FAM47E: variants seen among roughly 807,000 people sequenced by gnomAD.
The protein encoded by FAM47E is protein FAM47E.
In FAM47E, 32 loss-of-function variants were observed where a neutral mutation model predicts 41.6. That is an observed-to-expected ratio of 0.77 (90% CI 0.58 to 1.03). FAM47E has a LOEUF of 1.03. FAM47E is among the 50% of genes least tolerant of loss of function. The probability of loss-of-function intolerance (pLI) is 0.00; values close to 1 mark genes in which losing one functional copy is unlikely to be tolerated. For synonymous variants in FAM47E, 184 were observed against 188.7 expected, an observed-to-expected ratio of 0.98 and a Z score of 0.20; for missense variants, 424 against 485.4, an observed-to-expected ratio of 0.87 and a Z score of 1.19.
At position 76,271,747 on chromosome 4, in the gene FAM47E, G is replaced by T; in HGVS notation, c.849G>T (p.Glu283Asp). Residue 283 changes from glutamate (E) to aspartate (D), a missense_variant, in exon 5 of 8, where the codon GAG (glutamate) becomes GAT (aspartate). Coordinates refer to ENST00000424749, the MANE Select transcript of FAM47E (RefSeq NM_001136570.3). Reference sequence around the variant, plus strand: ...AGTTCTTCCAGAAACTAGGCTATGAGAGGAAACTCCAGAAACCACAGGTAA... The same window carrying T: ...AGTTCTTCCAGAAACTAGGCTATGATAGGAAACTCCAGAAACCACAGGTAA... ...ETEFFQKLGY[E>D]RKLQKPQNPY... 1 of 1,551,592 alleles carries T rather than the reference G, an allele frequency of 6.4e-7. No individual in the cohort carries two copies. Among genetic ancestry groups the T allele is most frequent in the Non-Finnish European group, 8.7e-7 (1 of 1,146,932 alleles).
chr4:76,221,656 AG>A (rs1384683504), intron 2 of FAM47E, among the ~76,000 whole-genome samples: 4 of 152,228 alleles, frequency 2.6e-5, no homozygotes, highest in Non-Finnish European at 4.4e-5. Context: ...CTGCAAAAAC[AG>A]AGAAAAAATA....
intron 5 of FAM47E, among the ~76,000 whole-genome samples, chr4:76,274,151 G>A (rs1044417058): frequency 1.3e-5 from 2 of 152,148 alleles, no homozygotes; most frequent in Admixed American, 6.5e-5. Flanking sequence ...ATCTTTGATG[G>A]ATGCTAGGCA....
intron 2 of FAM47E, among the ~76,000 whole-genome samples, chr4:76,256,890 T>G (rs1435954971): frequency 3.3e-5 from 5 of 152,316 alleles, no homozygotes; most frequent in Admixed American, 1.3e-4. Flanking sequence ...TAGTCTTATT[T>G]TTGTCACTTT....
At chr4:76,278,027 A>G (rs1410920013) in intron 5 of FAM47E, 42 bp from the exon 6 acceptor site, 1 of 1,419,482 alleles carries the variant, frequency 7.0e-7, no homozygotes. Context: ...TGACAAACAA[A>G]CAAAAAATCA....
At chr4:76,268,831 T>C (rs1876538) in intron 4 of FAM47E, 63 bp downstream of exon 4, 614,857 of 1,534,082 alleles carry the variant, frequency 0.4, 125,262 homozygotes, top group Admixed American at 0.46. Context: ...AGTGGTAATA[T>C]TTAAACCTAC....
At chr4:76,282,229 A>G (rs1282411018) in intron 7 of FAM47E, 1 of 152,188 alleles carries the variant, frequency 6.6e-6, no homozygotes, top group African/African-American at 2.4e-5. Context: ...GTTACAAACA[A>G]TCCATGGAAA....
intron 5 of FAM47E, 63 bp downstream of exon 5, chr4:76,271,831 G>T: frequency 1.3e-6 from 2 of 1,497,732 alleles, no homozygotes; most frequent in Non-Finnish European, 1.8e-6. Context: ...AAGTCTTAAA[G>T]TTCTTGAATT....
intron 2 of FAM47E, among the ~76,000 whole-genome samples, chr4:76,261,865 AAAAT>A (rs897859190): frequency 2.6e-5 from 4 of 152,198 alleles, no homozygotes; most frequent in African/African-American, 7.2e-5. Flanking sequence ...TTTAAGGAAA[AAAAT>A]AAACATGAAA....
chr4:76,215,256 C>G (rs1733182839), intron 1 of FAM47E, among the ~76,000 whole-genome samples: 1 of 152,198 alleles, frequency 6.6e-6, no homozygotes, highest in South Asian at 2.1e-4. Flanking sequence ...GTGTATTATC[C>G]TCATTTTACA....
chr4:76,217,798 G>A (rs1178566161), intron 2 of FAM47E: 1 of 406,398 alleles, frequency 2.5e-6, no homozygotes. Context: ...CTTTATCTGA[G>A]AAGAACAAGT....
chr4:76,237,536 C>A (rs896387536), intron 2 of FAM47E, among the ~76,000 whole-genome samples: 16 of 152,152 alleles, frequency 1.1e-4, no homozygotes, highest in African/African-American at 3.9e-4. Context: ...TACAGTCATT[C>A]TGAGGACAAA....
rs117605895 is a variant in FAM47E, at chr4:76,230,865, C to T, written c.81+13177C>T. ...ACCTCATTTATGCCATGGACACTAA[C>T]GTGGCCTTTATCCATCAAACAGGAA... On this transcript the variant is annotated intron_variant, in intron 2 of 7. Coordinates refer to the FAM47E transcript ENST00000510197. Among the ~76,000 whole-genome samples, 53 of 152,262 alleles carry T rather than the reference C, an allele frequency of 3.5e-4. 1 individual carries two copies. In the East Asian group the frequency reaches 9.5e-3, roughly 27 times the overall value.
intron 2 of FAM47E, among the ~76,000 whole-genome samples, chr4:76,260,935 T>A (rs1027089826): frequency 7.9e-5 from 12 of 151,944 alleles, no homozygotes; most frequent in African/African-American, 2.7e-4. Context: ...GCTGCAGTGA[T>A]TGCACCATTG....
intron 2 of FAM47E, among the ~76,000 whole-genome samples, chr4:76,231,984 C>T (rs4859640): frequency 0.59 from 89,125 of 151,968 alleles, 26,998 homozygotes; most frequent in East Asian, 0.99. Context: ...AATTGTGTCC[C>T]GTTGCAAGAG....
At chr4:76,223,357 T>C (rs1733341882) in intron 2 of FAM47E, among the ~76,000 whole-genome samples, 2 of 152,174 alleles carry the variant, frequency 1.3e-5, no homozygotes, top group South Asian at 2.1e-4. Context: ...TGGGGAGTGG[T>C]ACAGTAGCCC....
rs2110033111 is a variant in FAM47E at position 76,283,364 on chromosome 4, C to T, written c.1105-17C>T. 2 of 1,488,534 alleles carry T rather than the reference C, an allele frequency of 1.3e-6. No homozygotes were observed. Among genetic ancestry groups the T allele is most frequent in the Middle Eastern group, 1.7e-4 (1 of 5,844 alleles). 92.2% of individuals were successfully genotyped at this position (1,488,534 alleles called of 1,614,324 possible). On this transcript the variant is annotated splice_polypyrimidine_tract_variant and intron_variant, in intron 7 of 7. Transcript: ENST00000424749. Reference sequence around the variant, plus strand: ...TTTGTTTGCCAATCTAATGAAGGTTCTCTCATTTTTTTTTAGTTCCTTGAG... The same window carrying T: ...TTTGTTTGCCAATCTAATGAAGGTTTTCTCATTTTTTTTTAGTTCCTTGAG...
chr4:76,252,722 C>T (rs902458189), intron 1 of FAM47E, among the ~76,000 whole-genome samples: 5 of 152,120 alleles, frequency 3.3e-5, no homozygotes, highest in Non-Finnish European at 5.9e-5. Flanking sequence ...CTTCTCCCCC[C>T]CATTTAAAAA....
chr4:76,274,008 CATAGTT>C (rs1487196911), intron 5 of FAM47E, among the ~76,000 whole-genome samples: 2 of 152,142 alleles, frequency 1.3e-5, no homozygotes, highest in East Asian at 3.8e-4. Flanking sequence ...GCATAAAAAA[CATAGTT>C]ATAACAATTG....
intron 7 of FAM47E, 109 bp from the exon 8 acceptor site, chr4:76,283,272 T>C (rs1284024331): frequency 1.6e-6 from 1 of 633,634 alleles, no homozygotes; most frequent in East Asian, 2.8e-5. Flanking sequence ...TGTAAGGATA[T>C]ATATTAGAGT....
Sources: gnomAD v4.1 joint callset for allele counts (sites outside exome capture counted in the v4.1 genomes callset) on GRCh38, gnomAD v4.1.1 for gene constraint, MANE v1.5 for transcripts, NCBI Gene and HGNC (gene_info 2026-07-23, HGNC 2026-07-21) for gene names.